Variants in TTN observed in about 807,000 individuals in gnomAD.
TTN encodes the protein titin, also known as connectin.
TTN carries 1,525 observed loss-of-function variants against 3,223.0 expected under a neutral mutation model. That is an observed-to-expected ratio of 0.47 (90% CI 0.45 to 0.49). The LOEUF is 0.49. Among genes scored for constraint, TTN ranks in the 20% least tolerant of loss-of-function variants. TTN has a pLI of 0.00. For missense variants in TTN, 40,786 were observed against 43,424.0 expected (o/e 0.94, Z 5.40); for synonymous variants, 14,094 against 15,161.0 (o/e 0.93, Z 5.17).
chr2:178,526,910 TAC>T lies in TTN; in HGVS notation c.*100_*101del, dbSNP rs1281259150. The T allele has an allele frequency of 9.0e-7, 1 of 1,107,952 alleles. No homozygotes were observed. The highest frequency in any genetic ancestry group is 2.0e-5 in the African/African-American group (1 of 49,922). The allele number at this position is 1,107,952 out of a possible 1,614,324, so 68.6% of individuals were successfully genotyped here. A position where few individuals can be genotyped will look rare whatever the true frequency, so the allele number is the denominator to read the frequency against. On this transcript the variant is annotated 3_prime_UTR_variant, in exon 363 of 363. Coordinates refer to ENST00000589042, the MANE Select transcript of TTN (RefSeq NM_001267550.2). ...TGACTCATTTAGGTTGATACAAAAC[TAC>T]TTTTTTTTCTTTAAATATTTACAGT...
Position 178,704,389 on chromosome 2 carries a change from T to C in TTN, c.29981A>G (p.His9994Arg). 6.2e-7 allele frequency: 1 copy of C among 1,613,556 alleles called. No individual in the cohort carries two copies. Among genetic ancestry groups the C allele is most frequent in the Non-Finnish European group, 8.5e-7 (1 of 1,179,508 alleles). Reference protein sequence around the residue: ...LTVIEPAWERHLQDVTLKEGQ... With the variant: ...LTVIEPAWERRLQDVTLKEGQ... Reference sequence around the variant, plus strand: ...TTCTTTCAGAGTCACATCCTGAAGATGCCGTTCCCATGCAGGCTCTGTTCA... The same window carrying C: ...TTCTTTCAGAGTCACATCCTGAAGACGCCGTTCCCATGCAGGCTCTGTTCA... The change falls in exon 106 of 363, where the codon CAT becomes CGT. Residue 9994 changes from histidine to arginine, a missense_variant. Coordinates refer to ENST00000589042, the MANE Select transcript of TTN (RefSeq NM_001267550.2).
intron 146 of TTN, 43 bp downstream of exon 146, chr2:178,677,578 A>G: frequency 6.5e-7 from 1 of 1,547,492 alleles, no homozygotes; most frequent in Admixed American, 2.0e-5. Context: ...AGCAGAATTC[A>G]ACACAAAAGA....
intron 290 of TTN, 28 bp from the exon 291 acceptor site, chr2:178,599,090 G>A: frequency 6.6e-7 from 1 of 1,509,054 alleles, no homozygotes; most frequent in Non-Finnish European, 8.8e-7. Flanking sequence ...TTGATTATAA[G>A]AAATTTAAAA....
In TTN at chr2:178,547,039, C is replaced by T. The variant is rs769175534; in HGVS notation, c.94486G>A (p.Glu31496Lys). 1.3e-5 allele frequency: 21 copies of T among 1,613,214 alleles called. No individual in the cohort carries two copies. Among genetic ancestry groups the T allele is most frequent in the Admixed American group, 5.0e-5 (3 of 59,978 alleles). ...TGAGCCATTATAGGTCTTGAAGCTT[C>T]GCTGGCCTTGCTAACACCTGCAGCA... Reference protein sequence around the residue: ...LNAAGVSKASEASRPIMAQNP... With the variant: ...LNAAGVSKASKASRPIMAQNP... The change falls in exon 340 of 363, where the codon GAA (glutamate) becomes AAA (lysine). Residue 31496 changes from glutamate (E) to lysine (K), a missense_variant. Glu to Lys is a moderately conservative substitution (Grantham distance 56). Coordinates refer to ENST00000589042, the MANE Select transcript of TTN (RefSeq NM_001267550.2).
chr2:178,708,982 G>T (rs1304340095), intron 99 of TTN, among the ~76,000 whole-genome samples: 1 of 152,160 alleles, frequency 6.6e-6, no homozygotes, highest in Non-Finnish European at 1.5e-5. Flanking sequence ...CTCAAGCGAT[G>T]ATTGTGTATT....
chr2:178,590,558 A>G lies in TTN; in HGVS notation c.61167T>C (p.Asp20389=), dbSNP rs2154184478. ...CACTGAGAGGCTTTGTCCACACCAA[A>G]TCAGCTGTTTCTCTGCTCTTGTCTT... ...KLKDKSRETA[D]LVWTKPLSDG... is the part of the protein sequence containing the mutation. Residue 20389 remains aspartate, a synonymous_variant, in exon 304 of 363, where the codon GAT becomes GAC. Transcript: ENST00000589042. 6.2e-7 allele frequency: 1 copy of G among 1,612,620 alleles called. No homozygotes were observed. Among genetic ancestry groups the G allele is most frequent in the East Asian group, 2.2e-5 (1 of 44,782 alleles).
In TTN at chr2:178,802,249, G is replaced by C; in HGVS notation, c.184C>G (p.Arg62Gly). ...ACGGCGGGGATCGTCAGTTTAGCGC[G>C]GCCATCGCTAAAGGAGATCTGCACG... ...PGVQISFSDG[R>G]AKLTIPAVTK... Residue 62 changes from arginine (R) to glycine (G), a missense_variant, in exon 3 of 363, where the codon CGC (arginine) becomes GGC (glycine). Coordinates refer to ENST00000589042, the MANE Select transcript of TTN (RefSeq NM_001267550.2). 1 of 1,613,996 alleles carries C rather than the reference G, an allele frequency of 6.2e-7. No homozygotes were observed. Among genetic ancestry groups the C allele is most frequent in the Non-Finnish European group, 8.5e-7 (1 of 1,179,988 alleles).
intron 221 of TTN, 119 bp from the exon 222 acceptor site, chr2:178,640,229 T>C: frequency 2.3e-6 from 2 of 872,052 alleles, no homozygotes; most frequent in East Asian, 2.9e-5. Context: ...TACATATAAT[T>C]ATCAAATCAA....
Position 178,773,203 on chromosome 2 carries a change from A to G in TTN, c.7761T>C (p.Tyr2587=). ...TCATCATATTTAGAACTGTCAATTT[A>G]TATATTTTTCCATGTGCTTCAATTT... ...KYKIEAHGKI[Y]KLTVLNMMKD... Residue 2587 remains tyrosine, a synonymous_variant, in exon 33 of 363, where the codon TAT becomes TAC. Coordinates refer to ENST00000589042, the MANE Select transcript of TTN (RefSeq NM_001267550.2). 6.2e-7 allele frequency: 1 copy of G among 1,613,740 alleles called. No homozygotes were observed. Among genetic ancestry groups the G allele is most frequent in the Non-Finnish European group, 8.5e-7 (1 of 1,179,880 alleles).
chr2:178,800,258 T>C (rs1215683036), intron 4 of TTN, 137 bp downstream of exon 4: 6 of 1,131,504 alleles, frequency 5.3e-6, no homozygotes, highest in Admixed American at 4.3e-5. Context: ...TTTTCATGGG[T>C]GTCGAAAAGC....
intron 361 of TTN, 186 bp downstream of exon 361, chr2:178,528,088 T>C: frequency 1.5e-6 from 1 of 652,904 alleles, no homozygotes; most frequent in African/African-American, 1.8e-5. Context: ...TGAAATGTAA[T>C]CTATCCAAGT....
In TTN at chr2:178,539,225, G is replaced by A. The variant is rs1233228834; in HGVS notation, c.98710C>T (p.Pro32904Ser). ...CTCTTGGTTACATCGAGTACTTCTGGAGGATTGCTTGGAGGTTCTGGAGGA... is the reference window on the plus strand; with the variant it reads ...CTCTTGGTTACATCGAGTACTTCTGAAGGATTGCTTGGAGGTTCTGGAGGA... ...LNPPEPPSNP[P>S]EVLDVTKSSV... Residue 32904 changes from proline to serine, a missense_variant, in exon 353 of 363, where the codon CCA becomes TCA. Pro to Ser is a moderately conservative substitution (Grantham distance 74, BLOSUM62 -1). Coordinates refer to ENST00000589042, the MANE Select transcript of TTN (RefSeq NM_001267550.2). 1 of 1,613,520 alleles carries A rather than the reference G, an allele frequency of 6.2e-7. No homozygotes were observed. Among genetic ancestry groups the A allele is most frequent in the Non-Finnish European group, 8.5e-7 (1 of 1,179,624 alleles).
Position 178,613,044 on chromosome 2 carries a change from A to G in TTN, c.49677T>C (p.Thr16559=). 1.2e-6 allele frequency: 2 copies of G among 1,612,668 alleles called. No homozygotes were observed. Among genetic ancestry groups the G allele is most frequent in the Non-Finnish European group, 1.7e-6 (2 of 1,179,202 alleles). The change falls in exon 265 of 363, where the codon ACT becomes ACC. Residue 16559 remains threonine (T), a synonymous_variant. Coordinates refer to ENST00000589042, the MANE Select transcript of TTN (RefSeq NM_001267550.2). ...IDPPWPPGKP[T]VKDVGKTSVR... ...CTGATGTTTTGCCTACATCTTTTAC[A>G]GTTGGTTTTCCAGGGGGCCATGGAG...
At chr2:178,594,699 GT>G in intron 295 of TTN, 53 bp from the exon 296 acceptor site, 1 of 1,369,174 alleles carries the variant, frequency 7.3e-7, no homozygotes, top group South Asian at 1.4e-5. Flanking sequence ...CATTAAGAAT[GT>G]AGTAGGATGT....
rs368972294 is a variant in TTN, at chr2:178,677,661, G to C, written c.34251C>G (p.Val11417=). The change falls in exon 146 of 363, where the codon GTC becomes GTG. Residue 11417 remains valine (V), a synonymous_variant. Transcript: ENST00000589042. ...EEEEFVPEEE[V]LPEVKPKVPV... ...GCACCTTAGGTTTAACTTCTGGAAGGACTTCTTCTTCAGGTACAAATTCTT... is the reference window on the plus strand; with the variant it reads ...GCACCTTAGGTTTAACTTCTGGAAGCACTTCTTCTTCAGGTACAAATTCTT... The C allele has an allele frequency of 6.2e-7, 1 of 1,611,860 alleles. No individual in the cohort carries two copies. The highest frequency in any genetic ancestry group is 1.7e-5 in the Admixed American group (1 of 59,760).
At position 178,593,227 on chromosome 2, in the gene TTN, C is replaced by T; in HGVS notation, c.58981G>A (p.Gly19661Ser). Residue 19661 changes from glycine to serine, a missense_variant, in exon 299 of 363, where the codon GGT becomes AGT. Coordinates refer to ENST00000589042, the MANE Select transcript of TTN (RefSeq NM_001267550.2). ...GATGGTGGGCTTGGATCTCCAATACCAATTTCATTTTCTGCAGAAACCCGG... is the reference window on the plus strand; with the variant it reads ...GATGGTGGGCTTGGATCTCCAATACTAATTTCATTTTCTGCAGAAACCCGG... ...EFRVSAENEIGIGDPSPPSKP... is the reference protein window; with the variant it reads ...EFRVSAENEISIGDPSPPSKP... 2 of 1,613,362 alleles carry T rather than the reference C, an allele frequency of 1.2e-6. No homozygotes were observed. Among genetic ancestry groups the T allele is most frequent in the Non-Finnish European group, 1.7e-6 (2 of 1,179,594 alleles).
Position 178,572,504 on chromosome 2 carries a change from G to C in TTN, c.73628C>G (p.Pro24543Arg). 6.2e-7 allele frequency: 1 copy of C among 1,613,366 alleles called. No individual in the cohort carries two copies. Among genetic ancestry groups the C allele is most frequent in the South Asian group, 1.1e-5 (1 of 91,050 alleles). The change falls in exon 326 of 363, where the codon CCT (proline) becomes CGT (arginine). Residue 24543 changes from proline (P) to arginine (R), a missense_variant. Physicochemically the swap from Pro to Arg is moderately radical, Grantham distance 103. Coordinates refer to ENST00000589042, the MANE Select transcript of TTN (RefSeq NM_001267550.2). ...GATTTTTGAACCTCCATCAAGGAGA[G>C]GTGGGTCCCATGTGAGTGTGACAGA... ...KTSVTLTWDP[P>R]LLDGGSKIKN... is the part of the protein sequence containing the mutation.
intron 218 of TTN, among the ~76,000 whole-genome samples, chr2:178,643,663 A>G (rs2061524199): frequency 6.6e-6 from 1 of 151,910 alleles, no homozygotes; most frequent in East Asian, 1.9e-4. Flanking sequence ...TGTAGCTATT[A>G]TTTTTAAAGT....
rs796145711 is a variant in TTN, at chr2:178,591,353, G to A, written c.60372C>T (p.His20124=). The A allele has an allele frequency of 7.4e-6, 12 of 1,613,214 alleles. No homozygotes were observed. Among genetic ancestry groups the A allele is most frequent in the Middle Eastern group, 1.6e-4 (1 of 6,070 alleles). ...TDGSEIKTDE[H]YTVETDNFSS... is the part of the protein sequence containing the mutation. ...AGAAGTTGTCTGTTTCAACTGTGTA[G>A]TGCTCATCGGTTTTAATCTCACTCC... is the stretch of plus-strand genomic sequence containing the variant. Residue 20124 remains histidine (H), a synonymous_variant, in exon 304 of 363, where the codon CAC becomes CAT. Coordinates refer to ENST00000589042, the MANE Select transcript of TTN (RefSeq NM_001267550.2).
Sources: allele counts gnomAD v4.1 joint callset (sites outside exome capture counted in the v4.1 genomes callset), GRCh38; gene constraint gnomAD v4.1.1; transcripts MANE v1.5; gene names NCBI Gene and HGNC (gene_info 2026-07-23, HGNC 2026-07-21).